CNTNAP2: variants seen among roughly 807,000 people sequenced by gnomAD.
CNTNAP2 encodes the protein contactin-associated protein-like 2.
A neutral mutation model predicts 155.2 loss-of-function variants in CNTNAP2; 98 were observed. The ratio of observed to expected loss-of-function variants is 0.63; its 90% CI spans 0.54 to 0.75. The LOEUF is 0.75. Among genes scored for constraint, CNTNAP2 ranks in the 30% least tolerant of loss-of-function variants. The pLI is 0.00. For synonymous variants in CNTNAP2, 651 were observed against 631.2 expected (o/e 1.03, Z -0.47); for missense variants, 1,727 against 1,688.1 (o/e 1.02, Z -0.40).
intron 13 of CNTNAP2, among the ~76,000 whole-genome samples, chr7:147,761,026 T>C (rs1797291443): frequency 6.6e-6 from 1 of 152,180 alleles, no homozygotes; most frequent in African/African-American, 2.4e-5. Flanking sequence ...TTCCGGCTGC[T>C]GGCATTATAG....
chr7:148,402,863 C>T (rs1050150460), intron 22 of CNTNAP2, among the ~76,000 whole-genome samples: 2 of 151,864 alleles, frequency 1.3e-5, no homozygotes, highest in Admixed American at 1.3e-4. Flanking sequence ...TATATGACAA[C>T]CTGAAGCTTC....
chr7:147,273,794 ATATT>A (rs1193719802), intron 8 of CNTNAP2, among the ~76,000 whole-genome samples: 1 of 146,414 alleles, frequency 6.8e-6, no homozygotes, highest in Non-Finnish European at 1.5e-5. Flanking sequence ...TATTTTATAT[ATATT>A]TTTATATCTA....
At chr7:147,993,523 T>C (rs1467272273) in intron 15 of CNTNAP2, among the ~76,000 whole-genome samples, 1 of 152,208 alleles carries the variant, frequency 6.6e-6, no homozygotes, top group Non-Finnish European at 1.5e-5. Context: ...CGCTTGTGTC[T>C]TGAACATCCA....
At chr7:147,680,251 C>A (rs560474268) in intron 13 of CNTNAP2, among the ~76,000 whole-genome samples, 1 of 151,914 alleles carries the variant, frequency 6.6e-6, no homozygotes, top group African/African-American at 2.4e-5. Flanking sequence ...TTCCTGGACA[C>A]TATGGTACTG....
In CNTNAP2 at chr7:147,528,605, A is replaced by G. The variant is rs146423859; in HGVS notation, c.1778-33533A>G. ...CTAGCTTTTTCTGTTTTTCTTGTACATCTTACATGTTCCTGGTTTAATCAT... is the reference window on the plus strand; with the variant it reads ...CTAGCTTTTTCTGTTTTTCTTGTACGTCTTACATGTTCCTGGTTTAATCAT... On this transcript the variant is annotated intron_variant, in intron 11 of 23. Coordinates refer to ENST00000361727, the MANE Select transcript of CNTNAP2 (RefSeq NM_014141.6). Among the ~76,000 whole-genome samples, 378 of 152,228 alleles carry G rather than the reference A, an allele frequency of 2.5e-3. 3 individuals are homozygous for G. Among genetic ancestry groups the G allele is most frequent in the Middle Eastern group, 6.8e-3 (2 of 294 alleles).
chr7:146,426,426 CACACACATTTAT>C (rs1796092059), intron 1 of CNTNAP2, among the ~76,000 whole-genome samples: 1 of 138,878 alleles, frequency 7.2e-6, no homozygotes, highest in African/African-American at 2.8e-5. Flanking sequence ...CACACATATA[CACACACATTTAT>C]ACACACATAT....
At chr7:146,136,037 T>C (rs1797792239) in intron 1 of CNTNAP2, among the ~76,000 whole-genome samples, 1 of 152,196 alleles carries the variant, frequency 6.6e-6, no homozygotes, top group Non-Finnish European at 1.5e-5. Context: ...TTATATTGTG[T>C]GATGTCATGT....
At chr7:147,002,566 T>C (rs1338280135) in intron 3 of CNTNAP2, among the ~76,000 whole-genome samples, 3 of 152,048 alleles carry the variant, frequency 2.0e-5, no homozygotes, top group African/African-American at 7.2e-5. Context: ...CCAAGCAAGC[T>C]ACTAGAGGAT....
chr7:146,342,159 T>C (rs28478892), intron 1 of CNTNAP2, among the ~76,000 whole-genome samples: 18,259 of 152,110 alleles, frequency 0.12, 2,047 homozygotes, highest in African/African-American at 0.3. Context: ...GCCTTAAAAC[T>C]TGGAGAATGA....
intron 1 of CNTNAP2, among the ~76,000 whole-genome samples, chr7:146,142,414 G>A (rs996409707): frequency 3.9e-5 from 6 of 152,130 alleles, no homozygotes; most frequent in African/African-American, 1.4e-4. Context: ...ACACAGGCAT[G>A]ATGATCCCTA....
At chr7:146,688,871 A>C (rs750917976) in intron 1 of CNTNAP2, among the ~76,000 whole-genome samples, 13 of 152,140 alleles carry the variant, frequency 8.5e-5, no homozygotes, top group Non-Finnish European at 1.2e-4. Context: ...GTTAGCTACC[A>C]TTCTTGTTAG....
chr7:146,820,881 G>C (rs917858605), intron 2 of CNTNAP2, among the ~76,000 whole-genome samples: 2 of 152,094 alleles, frequency 1.3e-5, no homozygotes, highest in Non-Finnish European at 1.5e-5. Context: ...AGAATAGTTA[G>C]CTCTTCTTGT....
chr7:147,217,291 G>C (rs192480856), intron 8 of CNTNAP2, among the ~76,000 whole-genome samples: 1 of 151,974 alleles, frequency 6.6e-6, no homozygotes, highest in Admixed American at 6.6e-5. Context: ...TAGATTTTTT[G>C]TAGATATTCT....
chr7:146,463,201 C>T (rs184585640), intron 1 of CNTNAP2, among the ~76,000 whole-genome samples: 50 of 152,238 alleles, frequency 3.3e-4, no homozygotes, highest in African/African-American at 1.1e-3. Context: ...TGTTATCTTG[C>T]TCAATTCTTC....
chr7:147,321,740 A>C (rs552155940), intron 9 of CNTNAP2, among the ~76,000 whole-genome samples: 2 of 152,284 alleles, frequency 1.3e-5, no homozygotes, highest in South Asian at 2.1e-4. Flanking sequence ...AATATAACCA[A>C]ATATTTAGCT....
At chr7:147,328,089 G>A (rs138252671) in intron 9 of CNTNAP2, among the ~76,000 whole-genome samples, 2 of 152,216 alleles carry the variant, frequency 1.3e-5, no homozygotes, top group Middle Eastern at 3.4e-3. Context: ...CAAAAATAAC[G>A]AGCAAGTGTC....
At chr7:146,522,180 G>A (rs568957899) in intron 1 of CNTNAP2, among the ~76,000 whole-genome samples, 99 of 152,104 alleles carry the variant, frequency 6.5e-4, no homozygotes, top group Non-Finnish European at 1.3e-3. Context: ...TAAAGTTGCC[G>A]TATTTGATGT....
intron 3 of CNTNAP2, among the ~76,000 whole-genome samples, chr7:147,028,959 CTTTTT>C (rs397889433): frequency 9.6e-6 from 1 of 103,744 alleles, no homozygotes; most frequent in East Asian, 2.9e-4. Flanking sequence ...AAGATATGTT[CTTTTT>C]TTTTTTTTTT....
chr7:147,323,648 C>T (rs1307604388), intron 9 of CNTNAP2, among the ~76,000 whole-genome samples: 4 of 151,758 alleles, frequency 2.6e-5, no homozygotes, highest in East Asian at 1.9e-4. Context: ...CTTTCTGTCT[C>T]GTTGATCTGT....
Sources: gnomAD v4.1 joint callset for allele counts (sites outside exome capture counted in the v4.1 genomes callset) on GRCh38, gnomAD v4.1.1 for gene constraint, MANE v1.5 for transcripts, NCBI Gene and HGNC (gene_info 2026-07-23, HGNC 2026-07-21) for gene names.